The following TMCO4 variants were observed in gnomAD, a reference collection of about 807,000 sequenced individuals.
The protein encoded by TMCO4 is transmembrane and coiled-coil domain-containing protein 4.
Under a neutral mutation model 64.7 loss-of-function variants are expected in TMCO4, and 58 were observed. The ratio of observed to expected loss-of-function variants is 0.90; its 90% CI spans 0.73 to 1.12. TMCO4 has a LOEUF of 1.12. Ranked by LOEUF, TMCO4 falls within the 50% of genes most tolerant of loss-of-function variation. TMCO4 has a pLI of 0.00. For missense variants in TMCO4, 780 were observed against 825.9 expected (o/e 0.94, Z 0.68); for synonymous variants, 325 against 346.1 (o/e 0.94, Z 0.68).
chr1:19,748,800 G>C lies in TMCO4; in HGVS notation c.516-1540C>G, dbSNP rs12404331. ...AGATCCCACCACTGCACTCCAGCTT[G>C]GGAACAGAGTGAGACCCTGTCTCGA... On this transcript the variant is annotated intron_variant, in intron 7 of 15. Transcript: ENST00000294543. 1.6e-3 allele frequency among the ~76,000 whole-genome samples: 239 copies of C among 152,158 alleles called. 4 individuals are homozygous for C. In the East Asian group the frequency reaches 0.024, roughly 15 times the overall value.
chr1:19,725,986 T>C (rs2095407201), intron 13 of TMCO4, among the ~76,000 whole-genome samples: 1 of 152,214 alleles, frequency 6.6e-6, no homozygotes, highest in Admixed American at 6.5e-5. Context: ...CATGGTCCCC[T>C]GCAAGAAGCC....
intron 4 of TMCO4, among the ~76,000 whole-genome samples, chr1:19,778,871 C>A (rs2281239): frequency 3.9e-5 from 6 of 152,176 alleles, no homozygotes. Context: ...CCTGCCCTCC[C>A]GAGCTCAGAC....
Position 19,781,685 on chromosome 1 carries a change from C to T in TMCO4, c.-8-919G>A, listed in dbSNP as rs182391727. On this transcript the variant is annotated intron_variant, in intron 3 of 15. Transcript: ENST00000294543. The stretch of plus-strand genomic sequence containing the variant: ...CTTTTGAGATGGAGTCTCGCTCTGT[C>T]GCCCAGGCTGGAGTGCAGTGGCACG... Among the ~76,000 whole-genome samples, 890 of 147,264 alleles carry T rather than the reference C, an allele frequency of 6.0e-3. 8 individuals are homozygous for T. The highest frequency in any genetic ancestry group is 0.022 in the Middle Eastern group (6 of 276).
intron 10 of TMCO4, among the ~76,000 whole-genome samples, chr1:19,742,772 A>G (rs1042702142): frequency 2.6e-5 from 4 of 152,112 alleles, no homozygotes; most frequent in Non-Finnish European, 4.4e-5. Context: ...TGTGGTGGGG[A>G]TCACAGGAGA....
chr1:19,699,287 C>T (rs1475082336), intron 14 of TMCO4, among the ~76,000 whole-genome samples: 1 of 151,720 alleles, frequency 6.6e-6, no homozygotes, highest in Non-Finnish European at 1.5e-5. Context: ...AGTGCCAGTT[C>T]TTCTGCTTCA....
intron 13 of TMCO4, among the ~76,000 whole-genome samples, chr1:19,728,069 G>C (rs920874771): frequency 2.0e-5 from 3 of 152,218 alleles, no homozygotes; most frequent in Non-Finnish European, 4.4e-5. Context: ...TGGAGGATGA[G>C]AGGAGGGAAA....
intron 13 of TMCO4, among the ~76,000 whole-genome samples, chr1:19,714,751 C>T (rs534108124): frequency 6.6e-4 from 101 of 152,076 alleles, no homozygotes; most frequent in African/African-American, 2.2e-3. Context: ...GGTGAAACCC[C>T]GTCTCTATTA....
intron 7 of TMCO4, chr1:19,750,175 G>A (rs901383658): frequency 2.6e-5 from 4 of 152,150 alleles, no homozygotes; most frequent in African/African-American, 9.7e-5. Flanking sequence ...CTTTGACCCT[G>A]AACTGCCTTG....
intron 2 of TMCO4, among the ~76,000 whole-genome samples, chr1:19,790,324 T>C (rs2101124429): frequency 6.6e-6 from 1 of 152,298 alleles, no homozygotes; most frequent in African/African-American, 2.4e-5. Flanking sequence ...AAATGGGATC[T>C]GATTAAACTA....
chr1:19,686,090 T>C (rs1253871452), intron 15 of TMCO4, among the ~76,000 whole-genome samples: 1 of 152,138 alleles, frequency 6.6e-6, no homozygotes, highest in African/African-American at 2.4e-5. Context: ...GAAGGAAGGT[T>C]AAAAATCATC....
chr1:19,781,463 TAA>T (rs34207516), intron 3 of TMCO4, among the ~76,000 whole-genome samples: 2 of 140,224 alleles, frequency 1.4e-5, no homozygotes. Context: ...CCCTGTCTCT[TAA>T]AAAAAAAAAA....
At chr1:19,758,677 C>T (rs1043471966) in intron 6 of TMCO4, among the ~76,000 whole-genome samples, 6 of 152,134 alleles carry the variant, frequency 3.9e-5, no homozygotes, top group South Asian at 2.1e-4. Context: ...CAAATCTCCT[C>T]GTCTAGAAGG....
chr1:19,717,459 T>C (rs2095362053), intron 13 of TMCO4, among the ~76,000 whole-genome samples: 1 of 152,242 alleles, frequency 6.6e-6, no homozygotes, highest in South Asian at 2.1e-4. Flanking sequence ...GTGAAAATGC[T>C]ACTACTGAAG....
At chr1:19,765,853 C>T (rs2042714181) in intron 6 of TMCO4, among the ~76,000 whole-genome samples, 1 of 152,158 alleles carries the variant, frequency 6.6e-6, no homozygotes, top group South Asian at 2.1e-4. Context: ...CCTGGGCTGA[C>T]TCCGTGACTA....
chr1:19,683,319 C>T lies in TMCO4; in HGVS notation c.1626G>A (p.Glu542=). The T allele has an allele frequency of 6.2e-7, 1 of 1,613,908 alleles. No homozygotes were observed. Among genetic ancestry groups the T allele is most frequent in the Non-Finnish European group, 8.5e-7 (1 of 1,179,894 alleles). Residue 542 remains glutamate, a synonymous_variant, in exon 16 of 16, where the codon GAG becomes GAA. Transcript: ENST00000294543. ...AGGCGGCAGCTGCTGCCTGGCGAGG[C>T]TCCTCGGAGGGCAGGCAGCCTGGGG... ...LLAPGCLPSE[E]PRQAAAAASS...
intron 14 of TMCO4, among the ~76,000 whole-genome samples, chr1:19,696,803 A>T (rs897917411): frequency 6.6e-6 from 1 of 152,222 alleles, no homozygotes; most frequent in Non-Finnish European, 1.5e-5. Flanking sequence ...TGTGAATTAC[A>T]TGTATTTATA....
At chr1:19,723,931 A>G (rs923376021) in intron 13 of TMCO4, among the ~76,000 whole-genome samples, 1 of 152,220 alleles carries the variant, frequency 6.6e-6, no homozygotes, top group Non-Finnish European at 1.5e-5. Flanking sequence ...CCTTCTTTAA[A>G]TAACAGAGAC....
chr1:19,737,137 A>C (rs187105433), intron 13 of TMCO4, among the ~76,000 whole-genome samples: 1 of 152,360 alleles, frequency 6.6e-6, no homozygotes, highest in Non-Finnish European at 1.5e-5. Context: ...CACAAAAGCC[A>C]GTGTCATTAT....
At chr1:19,697,196 CT>C (rs2095242649) in intron 14 of TMCO4, among the ~76,000 whole-genome samples, 1 of 152,196 alleles carries the variant, frequency 6.6e-6, no homozygotes, top group African/African-American at 2.4e-5. Context: ...TATAGCCATC[CT>C]TTCAAAATTC....
Sources: gnomAD v4.1 joint callset for allele counts (sites outside exome capture counted in the v4.1 genomes callset) on GRCh38, gnomAD v4.1.1 for gene constraint, MANE v1.5 for transcripts, NCBI Gene and HGNC (gene_info 2026-07-23, HGNC 2026-07-21) for gene names.